ZNF423: variants seen among roughly 807,000 people sequenced by gnomAD.
ZNF423 encodes Ebf-associated zinc finger protein.
Under a neutral mutation model 95.8 loss-of-function variants are expected in ZNF423, and 12 were observed. That is an observed-to-expected ratio of 0.13 (90% CI 0.08 to 0.20). The LOEUF (loss-of-function observed/expected upper bound fraction) is 0.20, where lower values mean the gene tolerates loss of function less well. Ranked by LOEUF, ZNF423 falls within the 10% of genes least tolerant of loss-of-function variation. The probability of loss-of-function intolerance (pLI) is 1.00; values close to 1 mark genes in which losing one functional copy is unlikely to be tolerated. For missense variants in ZNF423, 1,316 were observed against 1,737.1 expected, an observed-to-expected ratio of 0.76 and a Z score of 4.31; for synonymous variants, 749 against 711.9, an observed-to-expected ratio of 1.05 and a Z score of -0.83.
At position 49,625,672 on chromosome 16, in the gene ZNF423, T is replaced by G. The variant is rs551882051; in HGVS notation, c.3601+498A>C. On this transcript the variant is annotated intron_variant, in intron 5 of 7. Coordinates refer to ENST00000563137, the MANE Select transcript of ZNF423 (RefSeq NM_001379286.1). ...TCTTGTGCCAAGTGTGTGAACTCCA[T>G]AGAACTTTGCAAGCTGCCCTTCTAG... Among the ~76,000 whole-genome samples, 3 of 152,312 alleles carry G rather than the reference T, an allele frequency of 2.0e-5. No individual in the cohort carries two copies. In the East Asian group the frequency reaches 5.8e-4, roughly 29 times the overall value.
chr16:49,842,410 A>AAGGAAGGAAGGAAGGAAGGCAGGC (rs1448904663), intron 1 of ZNF423, among the ~76,000 whole-genome samples: 34 of 77,958 alleles, frequency 4.4e-4, no homozygotes, highest in African/African-American at 1.4e-3. Context: ...GGAAGGAAGG[A>AAGGAAGGAAGGAAGGAAGGCAGGC]AGGCAGGCAG....
chr16:49,810,459 G>A (rs966778090), intron 1 of ZNF423, among the ~76,000 whole-genome samples: 4 of 152,114 alleles, frequency 2.6e-5, no homozygotes, highest in East Asian at 1.9e-4. Context: ...ATAAACAGAC[G>A]CCTCCTTCTC....
At chr16:49,758,978 T>C (rs2033777192) in intron 2 of ZNF423, among the ~76,000 whole-genome samples, 1 of 152,226 alleles carries the variant, frequency 6.6e-6, no homozygotes, top group African/African-American at 2.4e-5. Context: ...TTTCTAGACC[T>C]GGGAAGTGGT....
intron 1 of ZNF423, chr16:49,822,579 A>T: frequency 9.2e-7 from 1 of 1,092,250 alleles, no homozygotes; most frequent in Non-Finnish European, 1.3e-6. Context: ...TGAGACCCAC[A>T]TTGTCCAAGA....
intron 5 of ZNF423, among the ~76,000 whole-genome samples, chr16:49,548,041 C>T (rs987688884): frequency 2.0e-5 from 3 of 152,178 alleles, no homozygotes; most frequent in Admixed American, 6.5e-5. Context: ...AATGTATCTG[C>T]CACTTTCCCT....
chr16:49,854,526 G>C (rs2035336236), intron 1 of ZNF423: 1 of 985,350 alleles, frequency 1.0e-6, no homozygotes, highest in Non-Finnish European at 1.2e-6. Context: ...GTCATCAGGG[G>C]AGATGGGAGA....
At chr16:49,853,942 C>T (rs1308547110) in intron 1 of ZNF423, 1 of 985,298 alleles carries the variant, frequency 1.0e-6, no homozygotes, top group East Asian at 1.1e-4. Context: ...TTTTTCCAAC[C>T]AGAAATTCCA....
At chr16:49,770,454 A>G (rs1187747496) in intron 2 of ZNF423, among the ~76,000 whole-genome samples, 1 of 152,162 alleles carries the variant, frequency 6.6e-6, no homozygotes, top group Non-Finnish European at 1.5e-5. Flanking sequence ...GGGGAGGGAG[A>G]GAACCTGCTC....
chr16:49,813,017 CA>C (rs2034778437), intron 1 of ZNF423, among the ~76,000 whole-genome samples: 1 of 152,132 alleles, frequency 6.6e-6, no homozygotes, highest in African/African-American at 2.4e-5. Flanking sequence ...GCCACACCAC[CA>C]GGGGCACCCA....
intron 2 of ZNF423, among the ~76,000 whole-genome samples, chr16:49,748,749 C>T (rs575362453): frequency 6.6e-6 from 1 of 152,212 alleles, no homozygotes; most frequent in African/African-American, 2.4e-5. Context: ...TTGATGGGTA[C>T]CCACCTGTGA....
intron 1 of ZNF423, among the ~76,000 whole-genome samples, chr16:49,823,492 G>A (rs1567360516): frequency 6.6e-6 from 1 of 152,240 alleles, no homozygotes; most frequent in Non-Finnish European, 1.5e-5. Context: ...TAAGCTCAAA[G>A]CTGGTGTCTG....
intron 2 of ZNF423, among the ~76,000 whole-genome samples, chr16:49,735,814 C>T (rs1006734207): frequency 1.3e-5 from 2 of 152,216 alleles, no homozygotes; most frequent in Non-Finnish European, 2.9e-5. Context: ...CCCAAGAAGC[C>T]TTTGGATGAC....
At chr16:49,667,796 G>C (rs1596821252) in intron 3 of ZNF423, among the ~76,000 whole-genome samples, 1 of 152,316 alleles carries the variant, frequency 6.6e-6, no homozygotes, top group South Asian at 2.1e-4. Flanking sequence ...TAAGGCAGGG[G>C]GATCACTTGA....
chr16:49,816,725 A>G (rs767799475), intron 1 of ZNF423, among the ~76,000 whole-genome samples: 1 of 152,140 alleles, frequency 6.6e-6, no homozygotes, highest in African/African-American at 2.4e-5. Context: ...TTGAGGCTGC[A>G]GTGAGCTATA....
intron 3 of ZNF423, among the ~76,000 whole-genome samples, chr16:49,716,259 C>T (rs1477087828): frequency 1.3e-5 from 2 of 152,148 alleles, no homozygotes; most frequent in South Asian, 2.1e-4. Flanking sequence ...CCCACCAACC[C>T]TCAGAGGGGT....
intron 2 of ZNF423, among the ~76,000 whole-genome samples, chr16:49,749,682 G>T (rs1219657616): frequency 6.6e-6 from 1 of 151,448 alleles, no homozygotes. Flanking sequence ...CTGGGCCATG[G>T]TCATCTCTTC....
At chr16:49,782,855 G>T (rs2143782152) in intron 2 of ZNF423, among the ~76,000 whole-genome samples, 2 of 152,032 alleles carry the variant, frequency 1.3e-5, no homozygotes, top group South Asian at 4.2e-4. Context: ...TAAGCATGGT[G>T]GTACATGCCT....
Position 49,489,510 on chromosome 16 carries a change from G to A in ZNF423, c.*1765C>T, listed in dbSNP as rs1293410832. 6 of 152,244 alleles carry A rather than the reference G, an allele frequency of 3.9e-5. No individual in the cohort carries two copies. The highest frequency in any genetic ancestry group is 3.3e-4 in the Admixed American group (5 of 15,282). The allele number at this position is 152,244 out of a possible 1,614,324, so 9.4% of individuals were successfully genotyped here. A position where few individuals can be genotyped will look rare whatever the true frequency, so the allele number is the denominator to read the frequency against. Reference sequence around the variant, plus strand: ...AGGGTCTGCTCTATGATTCACATATGTAAGATGCCTTTTGAAAAACTGAAA... The same window carrying A: ...AGGGTCTGCTCTATGATTCACATATATAAGATGCCTTTTGAAAAACTGAAA... On this transcript the variant is annotated 3_prime_UTR_variant, in exon 8 of 8. Transcript: ENST00000563137.
intron 3 of ZNF423, among the ~76,000 whole-genome samples, chr16:49,695,789 G>A (rs1042470068): frequency 1.1e-4 from 16 of 152,236 alleles, no homozygotes; most frequent in Non-Finnish European, 8.8e-5. Context: ...GGAGCCTGGA[G>A]AGTGTGGACT....
Sources: allele counts gnomAD v4.1 joint callset (sites outside exome capture counted in the v4.1 genomes callset), GRCh38; gene constraint gnomAD v4.1.1; transcripts MANE v1.5; gene names NCBI Gene and HGNC (gene_info 2026-07-23, HGNC 2026-07-21).